Variants in CNNM2 observed in about 807,000 individuals in gnomAD.
CNNM2 encodes the protein cyclin and CBS domain divalent metal cation transport mediator 2.
Under a neutral mutation model 66.9 loss-of-function variants are expected in CNNM2, and 12 were observed. The observed-to-expected ratio is 0.18, with a 90% CI of 0.11 to 0.29. CNNM2 has a LOEUF of 0.29. Among genes scored for constraint, CNNM2 ranks in the 10% least tolerant of loss-of-function variants. CNNM2 has a pLI of 1.00. For synonymous variants in CNNM2, 557 were observed against 501.8 expected, an observed-to-expected ratio of 1.11 and a Z score of -1.47; for missense variants, 705 against 1,167.7, an observed-to-expected ratio of 0.60 and a Z score of 5.77.
intron 1 of CNNM2, among the ~76,000 whole-genome samples, chr10:103,014,843 G>T (rs1443902405): frequency 6.6e-6 from 1 of 151,770 alleles, no homozygotes; most frequent in Non-Finnish European, 1.5e-5. Context: ...AGTTATCTAT[G>T]ATTGTGCCAC....
In CNNM2 at chr10:103,085,037, AG is replaced by A. The variant is rs2065790672; in HGVS notation, c.*7860del. 6.6e-6 allele frequency: 1 copy of A among 152,098 alleles called. No individual in the cohort carries two copies. The allele number at this position is 152,098 out of a possible 1,614,324, so 9.4% of individuals were successfully genotyped here. ...TTATTTTCAAGCAGTCCCAGGACAA[AG>A]GGATGGTTCTAGGGCCCTTTTCTCT... On this transcript the variant is annotated 3_prime_UTR_variant, in exon 8 of 8. Coordinates refer to ENST00000369878, the MANE Select transcript of CNNM2 (RefSeq NM_017649.5).
At chr10:102,955,119 T>C (rs920071436) in intron 1 of CNNM2, among the ~76,000 whole-genome samples, 2 of 152,144 alleles carry the variant, frequency 1.3e-5, no homozygotes, top group Non-Finnish European at 2.9e-5. Context: ...ACTACCTGAC[T>C]TCAAACTATG....
At chr10:102,929,281 C>T (rs1208995206) in intron 1 of CNNM2, among the ~76,000 whole-genome samples, 13 of 151,752 alleles carry the variant, frequency 8.6e-5, no homozygotes, top group Non-Finnish European at 4.4e-5. Context: ...AAAAGAGTGG[C>T]TAGGCTGGGT....
chr10:102,928,448 G>C (rs375169005), intron 1 of CNNM2, among the ~76,000 whole-genome samples: 5 of 152,094 alleles, frequency 3.3e-5, no homozygotes, highest in Admixed American at 1.3e-4. Context: ...CAGCTGTGGT[G>C]GTGGGCGCCT....
intron 1 of CNNM2, among the ~76,000 whole-genome samples, chr10:103,048,206 C>T (rs928090126): frequency 1.0e-4 from 15 of 146,730 alleles, no homozygotes; most frequent in East Asian, 8.2e-4. Context: ...TGAGCCACTG[C>T]GCTCAGCATT....
At chr10:102,947,978 G>A (rs1321460004) in intron 1 of CNNM2, among the ~76,000 whole-genome samples, 4 of 152,096 alleles carry the variant, frequency 2.6e-5, no homozygotes, top group East Asian at 1.9e-4. Context: ...GCGTGAACCC[G>A]GGAGGTGGAG....
At chr10:102,980,348 T>C (rs1340359270) in intron 1 of CNNM2, among the ~76,000 whole-genome samples, 2 of 151,676 alleles carry the variant, frequency 1.3e-5, no homozygotes, top group Admixed American at 1.3e-4. Flanking sequence ...CATAGCTCAC[T>C]GCAGCCTCAA....
chr10:103,060,949 T>C (rs555166023), intron 4 of CNNM2, among the ~76,000 whole-genome samples: 2 of 152,304 alleles, frequency 1.3e-5, no homozygotes, highest in African/African-American at 2.4e-5. Context: ...AGTATTACCA[T>C]AAAAGTCTAT....
At chr10:102,978,432 T>A (rs2063671147) in intron 1 of CNNM2, among the ~76,000 whole-genome samples, 1 of 152,108 alleles carries the variant, frequency 6.6e-6, no homozygotes, top group East Asian at 1.9e-4. Flanking sequence ...TGTAATCTGT[T>A]AGGAAATCTT....
chr10:102,981,724 A>G (rs911970177), intron 1 of CNNM2, among the ~76,000 whole-genome samples: 1 of 151,864 alleles, frequency 6.6e-6, no homozygotes. Context: ...GATCTTGTGT[A>G]TCAGTTATCT....
intron 1 of CNNM2, among the ~76,000 whole-genome samples, chr10:102,987,088 G>A (rs936747471): frequency 1.4e-4 from 21 of 152,140 alleles, no homozygotes; most frequent in African/African-American, 4.3e-4. Context: ...AAAGATGGAA[G>A]CAGGAAGTAA....
chr10:102,994,998 A>T (rs918501758), intron 1 of CNNM2, among the ~76,000 whole-genome samples: 1 of 151,948 alleles, frequency 6.6e-6, no homozygotes, highest in Non-Finnish European at 1.5e-5. Flanking sequence ...TTTCTTCTTC[A>T]TGTTGGTTTT....
At chr10:103,047,618 T>C (rs2065147904) in intron 1 of CNNM2, among the ~76,000 whole-genome samples, 1 of 152,240 alleles carries the variant, frequency 6.6e-6, no homozygotes, top group East Asian at 1.9e-4. Context: ...CTCTGTACTC[T>C]CTTTGCAACT....
intron 1 of CNNM2, among the ~76,000 whole-genome samples, chr10:103,008,258 TG>T (rs1300453517): frequency 6.6e-6 from 1 of 152,188 alleles, no homozygotes; most frequent in Non-Finnish European, 1.5e-5. Flanking sequence ...CAGGATCAAC[TG>T]TGTAATTTGT....
chr10:102,927,083 A>G (rs1845894759), intron 1 of CNNM2, among the ~76,000 whole-genome samples: 2 of 152,072 alleles, frequency 1.3e-5, no homozygotes, highest in Non-Finnish European at 2.9e-5. Context: ...CCAGCCTTAC[A>G]TAAACTTTTA....
intron 1 of CNNM2, 59 bp from the exon 2 acceptor site, chr10:103,049,648 T>TA (rs1195806947): frequency 6.6e-7 from 1 of 1,523,632 alleles, no homozygotes; most frequent in Non-Finnish European, 9.0e-7. Flanking sequence ...ATATCACATA[T>TA]AACATGTCAT....
At chr10:102,924,227 CT>C (rs1845764128) in intron 1 of CNNM2, among the ~76,000 whole-genome samples, 1 of 152,222 alleles carries the variant, frequency 6.6e-6, no homozygotes, top group Non-Finnish European at 1.5e-5. Context: ...ATGTTAGAGG[CT>C]CTCCATTCAC....
chr10:102,936,854 C>A (rs1170059312), intron 1 of CNNM2, among the ~76,000 whole-genome samples: 1 of 152,108 alleles, frequency 6.6e-6, no homozygotes, highest in Non-Finnish European at 1.5e-5. Context: ...CCAAATCCAT[C>A]AAAATAAAGT....
At chr10:102,975,478 A>AC (rs927397364) in intron 1 of CNNM2, among the ~76,000 whole-genome samples, 1 of 148,562 alleles carries the variant, frequency 6.7e-6, no homozygotes, top group Non-Finnish European at 1.5e-5. Context: ...AGAAAAAAAA[A>AC]AAAAAAAAAA....
Sources: gnomAD v4.1 joint callset for allele counts (sites outside exome capture counted in the v4.1 genomes callset) on GRCh38, gnomAD v4.1.1 for gene constraint, MANE v1.5 for transcripts, NCBI Gene and HGNC (gene_info 2026-07-23, HGNC 2026-07-21) for gene names.